CECR2: variants seen among roughly 807,000 people sequenced by gnomAD.
The protein encoded by CECR2 is chromatin remodeling regulator CECR2.
In CECR2, 30 loss-of-function variants were observed where a neutral mutation model predicts 154.5. The ratio of observed to expected loss-of-function variants is 0.19; its 90% CI spans 0.15 to 0.26. CECR2 has a LOEUF of 0.26. CECR2 is among the 10% of genes least tolerant of loss of function. CECR2 has a pLI of 1.00. For missense variants in CECR2, 1,743 were observed against 1,829.3 expected (o/e 0.95, Z 0.86); for synonymous variants, 725 against 683.7 (o/e 1.06, Z -0.94).
intron 10 of CECR2, 103 bp downstream of exon 10, chr22:17,537,335 A>G (rs1053381250): frequency 2.2e-6 from 3 of 1,373,378 alleles, no homozygotes. Flanking sequence ...CTGTTGGGTA[A>G]CATGGTCACC....
intron 1 of CECR2, among the ~76,000 whole-genome samples, chr22:17,401,353 C>G (rs1347017286): frequency 2.0e-5 from 3 of 152,150 alleles, no homozygotes; most frequent in African/African-American, 4.8e-5. Flanking sequence ...TACAATTTGG[C>G]AAGTTTTGAC....
chr22:17,536,565 G>C (rs1045223223), intron 9 of CECR2, among the ~76,000 whole-genome samples: 2 of 152,210 alleles, frequency 1.3e-5, no homozygotes, highest in African/African-American at 4.8e-5. Flanking sequence ...TGCCTGATCT[G>C]GGGGTGGGGT....
At chr22:17,518,790 C>A in intron 8 of CECR2, 2 of 339,892 alleles carry the variant, frequency 5.9e-6, no homozygotes, top group South Asian at 5.8e-5. Context: ...TTTGCAGAGC[C>A]AGTTTTCTTT....
intron 1 of CECR2, among the ~76,000 whole-genome samples, chr22:17,408,754 C>T (rs2054022812): frequency 1.3e-5 from 2 of 152,178 alleles, no homozygotes; most frequent in Admixed American, 1.3e-4. Context: ...TGATTTAGCA[C>T]CTACCTTGTA....
chr22:17,400,375 A>G lies in CECR2; in HGVS notation c.126+30466A>G, dbSNP rs113937617. On this transcript the variant is annotated intron_variant, in intron 1 of 18. Transcript: ENST00000262608. Reference sequence around the variant, plus strand: ...AGCCAGTCACTGAGGTGTGTGGAGTAGATGAGGAGGTCTGGAATGGATAGC... The same window carrying G: ...AGCCAGTCACTGAGGTGTGTGGAGTGGATGAGGAGGTCTGGAATGGATAGC... 7.9e-5 allele frequency among the ~76,000 whole-genome samples: 12 copies of G among 152,342 alleles called. 2 individuals are homozygous for G. The highest frequency in any genetic ancestry group is 2.9e-4 in the African/African-American group (12 of 41,586).
chr22:17,365,490 C>T (rs1160727843), upstream of CECR2, among the ~76,000 whole-genome samples: 1 of 151,844 alleles, frequency 6.6e-6, no homozygotes, highest in African/African-American at 2.4e-5. Flanking sequence ...GTCAGGAGAT[C>T]GAGACCAGCC....
At chr22:17,483,251 A>C (rs1281677739) in intron 2 of CECR2, among the ~76,000 whole-genome samples, 1 of 152,220 alleles carries the variant, frequency 6.6e-6, no homozygotes, top group Non-Finnish European at 1.5e-5. Flanking sequence ...AATAGAAAAC[A>C]GCTTATAGAA....
chr22:17,362,823 A>G (rs562827711), intron 1 of CECR2, among the ~76,000 whole-genome samples: 1 of 147,578 alleles, frequency 6.8e-6, no homozygotes, highest in Non-Finnish European at 1.5e-5. Flanking sequence ...AATTGCTTGA[A>G]CCTGGGAGGC....
At chr22:17,414,179 A>G (rs4819584) in intron 1 of CECR2, among the ~76,000 whole-genome samples, 3,941 of 151,574 alleles carry the variant, frequency 0.026, 166 homozygotes, top group East Asian at 0.19. Flanking sequence ...TCACTGTGTT[A>G]GCCAGGATGG....
At position 17,524,269 on chromosome 22, in the gene CECR2, A is replaced by G. The variant is rs757310038; in HGVS notation, c.1106A>G (p.Glu369Gly). ...RELEEKVKAVEDRAKRRKLRE... is the reference protein window; with the variant it reads ...RELEEKVKAVGDRAKRRKLRE... ...TTGGAGGAGAAGGTCAAGGCAGTGG[A>G]AGGTATGTGCAGTGTCCGCGTGGTC... Residue 369 changes from glutamate to glycine, a missense_variant and splice_region_variant, in exon 9 of 19, where the codon GAA becomes GGA. By Grantham distance (98) the Glu-to-Gly change is moderately conservative. Around this residue, in one of 4 missense-constraint regions of CECR2, gnomAD observed 292 missense variants for 301.2 expected, o/e 0.97. Coordinates refer to ENST00000262608, the MANE Select transcript of CECR2 (RefSeq NM_001290047.2). 1.1e-4 allele frequency: 174 copies of G among 1,607,194 alleles called. No homozygotes were observed. The highest frequency in any genetic ancestry group is 1.3e-4 in the Non-Finnish European group (157 of 1,177,372).
intron 1 of CECR2, among the ~76,000 whole-genome samples, chr22:17,402,293 A>C (rs998493702): frequency 6.6e-6 from 1 of 151,784 alleles, no homozygotes; most frequent in African/African-American, 2.4e-5. Flanking sequence ...CCAACATTTT[A>C]ACTTTTTAAA....
chr22:17,368,230 T>A (rs369821061), upstream of CECR2, among the ~76,000 whole-genome samples: 2 of 152,196 alleles, frequency 1.3e-5, no homozygotes, highest in Non-Finnish European at 2.9e-5. Context: ...AAATCTATCA[T>A]ATAAATTATC....
At chr22:17,396,210 C>T (rs1415319386) in intron 1 of CECR2, among the ~76,000 whole-genome samples, 1 of 146,982 alleles carries the variant, frequency 6.8e-6, no homozygotes, top group Admixed American at 6.9e-5. Context: ...CCACTGCACT[C>T]TAGCCTGGGC....
intron 1 of CECR2, among the ~76,000 whole-genome samples, chr22:17,447,033 C>CTTTT (rs1555910503): frequency 4.4e-5 from 5 of 114,110 alleles, no homozygotes; most frequent in Non-Finnish European, 6.8e-5. Context: ...CGTTTACAAT[C>CTTTT]TTTTTTTTTT....
intron 1 of CECR2, among the ~76,000 whole-genome samples, chr22:17,444,629 A>G (rs1601367673): frequency 6.6e-6 from 1 of 152,244 alleles, no homozygotes; most frequent in Admixed American, 6.5e-5. Flanking sequence ...AAAAAAAAAA[A>G]CTTGAACTAC....
Position 17,555,363 on chromosome 22 carries a change from T to C in CECR2, c.*2523T>C, listed in dbSNP as rs1269825916. ...ACAAGAACATCAGCAGCAGCAGAAT[T>C]GTCAGCCTTCCTGCGTCCTGTGTGG... On this transcript the variant is annotated 3_prime_UTR_variant, in exon 19 of 19. Transcript: ENST00000262608. 1 of 152,250 alleles carries C rather than the reference T, an allele frequency of 6.6e-6. No individual in the cohort carries two copies. The highest frequency in any genetic ancestry group is 1.5e-5 in the Non-Finnish European group (1 of 68,076). 9.4% of individuals were successfully genotyped at this position (152,250 alleles called of 1,614,324 possible).
chr22:17,422,129 GTTTTCTTTC>G (rs1406340105), intron 1 of CECR2, among the ~76,000 whole-genome samples: 1 of 151,956 alleles, frequency 6.6e-6, no homozygotes, highest in Non-Finnish European at 1.5e-5. Context: ...CTTGCAGGAT[GTTTTCTTTC>G]TTTTCTTTAT....
intron 1 of CECR2, among the ~76,000 whole-genome samples, chr22:17,471,986 A>AAT (rs1569104046): frequency 6.6e-6 from 1 of 152,164 alleles, no homozygotes; most frequent in Non-Finnish European, 1.5e-5. Flanking sequence ...CAGTTAACCT[A>AAT]ATATTTAGAG....
chr22:17,451,488 C>T (rs749585771), intron 1 of CECR2, among the ~76,000 whole-genome samples: 3 of 151,982 alleles, frequency 2.0e-5, no homozygotes, highest in Non-Finnish European at 1.5e-5. Context: ...CATTTTAGTG[C>T]CTCTCTGGGC....
Sources: gnomAD v4.1 joint callset for allele counts (sites outside exome capture counted in the v4.1 genomes callset) on GRCh38, gnomAD v4.1.1 for gene constraint, gnomAD v4.1.1 regional missense constraint, MANE v1.5 for transcripts, NCBI Gene and HGNC (gene_info 2026-07-23, HGNC 2026-07-21) for gene names.